Variants in KPNA4 observed in about 807,000 individuals in gnomAD.
The protein encoded by KPNA4 is karyopherin subunit alpha 4.
A neutral mutation model predicts 71.3 loss-of-function variants in KPNA4; 13 were observed. The ratio of observed to expected loss-of-function variants is 0.18; its 90% CI spans 0.12 to 0.29. KPNA4 has a LOEUF of 0.29. Ranked by LOEUF, KPNA4 falls within the 10% of genes least tolerant of loss-of-function variation. KPNA4 has a pLI of 1.00. For synonymous variants in KPNA4, 189 were observed against 195.2 expected, an observed-to-expected ratio of 0.97 and a Z score of 0.26; for missense variants, 334 against 603.2, an observed-to-expected ratio of 0.55 and a Z score of 4.67.
chr3:160,514,081 T>C lies in KPNA4; in HGVS notation c.1133A>G (p.Asp378Gly), dbSNP rs1721154878. 6.5e-7 allele frequency: 1 copy of C among 1,547,338 alleles called. No individual in the cohort carries two copies. Among genetic ancestry groups the C allele is most frequent in the Non-Finnish European group, 8.7e-7 (1 of 1,150,916 alleles). ...NLVPMIIHLL[D>G]KGDFGTQKEA... ...CATATAACATGATTTTCTTACCTTA[T>C]CCAAAAGGTGTATTATCATTGGTAC... is the stretch of plus-strand genomic sequence containing the variant. The change falls in exon 13 of 17, where the codon GAT becomes GGT. Residue 378 changes from aspartate to glycine, a missense_variant. Physicochemically the swap from Asp to Gly is moderately conservative, Grantham distance 94 (BLOSUM62 -1). Transcript: ENST00000334256.
intron 1 of KPNA4, among the ~76,000 whole-genome samples, chr3:160,556,402 G>A (rs1419302935): frequency 6.6e-6 from 1 of 152,110 alleles, no homozygotes; most frequent in Non-Finnish European, 1.5e-5. Flanking sequence ...TTTATATACT[G>A]CCATCCTAGT....
At position 160,501,327 on chromosome 3, in the gene KPNA4, G is replaced by C. The variant is rs957475806; in HGVS notation, c.*777C>G. 9 of 152,154 alleles carry C rather than the reference G, an allele frequency of 5.9e-5. No individual in the cohort carries two copies. Among genetic ancestry groups the C allele is most frequent in the African/African-American group, 1.5e-4 (6 of 41,296 alleles). 9.4% of individuals were successfully genotyped at this position (152,154 alleles called of 1,614,324 possible). ...AAAAAGAAAAAAAAAAGGATTGGGT[G>C]GGGGGAAGGAGGTGGGAAAGGGGGA... On this transcript the variant is annotated 3_prime_UTR_variant, in exon 17 of 17. Coordinates refer to ENST00000334256, the MANE Select transcript of KPNA4 (RefSeq NM_002268.5).
At chr3:160,524,423 G>C (rs191554292) in intron 10 of KPNA4, among the ~76,000 whole-genome samples, 14 of 152,136 alleles carry the variant, frequency 9.2e-5, no homozygotes, top group Non-Finnish European at 4.4e-5. Context: ...GTTCACTGCA[G>C]CCTTGACCTC....
chr3:160,548,208 T>A (rs1721963614), intron 1 of KPNA4, among the ~76,000 whole-genome samples: 1 of 152,066 alleles, frequency 6.6e-6, no homozygotes, highest in Non-Finnish European at 1.5e-5. Flanking sequence ...TGCTCTGGGT[T>A]TTTTTTTGTT....
At chr3:160,523,133 T>C (rs1721388326) in intron 10 of KPNA4, among the ~76,000 whole-genome samples, 1 of 152,198 alleles carries the variant, frequency 6.6e-6, no homozygotes. Flanking sequence ...TTCCAGAATA[T>C]GAACTCTGTG....
At chr3:160,518,586 G>GC (rs1721280031) in intron 11 of KPNA4, among the ~76,000 whole-genome samples, 1 of 151,354 alleles carries the variant, frequency 6.6e-6, no homozygotes, top group South Asian at 2.1e-4. Flanking sequence ...TTGGCCGGGC[G>GC]CGGTGGCTCA....
At chr3:160,505,191 CTT>C in intron 15 of KPNA4, 139 bp from the exon 16 acceptor site, 2 of 408,674 alleles carry the variant, frequency 4.9e-6, no homozygotes, top group South Asian at 5.7e-5. Context: ...AAAGGTGAAT[CTT>C]AAATATAAAA....
chr3:160,517,908 T>C (rs1721260074), intron 11 of KPNA4, among the ~76,000 whole-genome samples: 1 of 152,228 alleles, frequency 6.6e-6, no homozygotes, highest in Non-Finnish European at 1.5e-5. Flanking sequence ...TCTTCTATTC[T>C]ATGGGTTGTC....
chr3:160,543,919 G>A (rs1028380519), intron 1 of KPNA4, among the ~76,000 whole-genome samples: 2 of 152,040 alleles, frequency 1.3e-5, no homozygotes, highest in Non-Finnish European at 1.5e-5. Flanking sequence ...GTGCAATGGC[G>A]CGATCTCAGC....
chr3:160,521,951 T>G, intron 10 of KPNA4, 41 bp from the exon 11 acceptor site: 1 of 1,551,628 alleles, frequency 6.4e-7, no homozygotes, highest in Non-Finnish European at 8.8e-7. Flanking sequence ...TTTAAATATT[T>G]TCTCATTTTA....
intron 15 of KPNA4, among the ~76,000 whole-genome samples, chr3:160,507,647 G>C (rs1171793886): frequency 1.3e-5 from 2 of 151,974 alleles, no homozygotes; most frequent in Non-Finnish European, 2.9e-5. Flanking sequence ...CTCAGACTTT[G>C]CTCATGGTGT....
chr3:160,555,989 G>C (rs1476168113), intron 1 of KPNA4, among the ~76,000 whole-genome samples: 1 of 152,052 alleles, frequency 6.6e-6, no homozygotes, highest in Non-Finnish European at 1.5e-5. Context: ...GCGCCACCAT[G>C]CCTGGCTAAT....
intron 1 of KPNA4, among the ~76,000 whole-genome samples, chr3:160,547,231 T>G (rs1293577177): frequency 1.3e-5 from 2 of 152,248 alleles, no homozygotes; most frequent in African/African-American, 4.8e-5. Context: ...TAAAGTGTTA[T>G]GAATACTGCT....
At chr3:160,515,787 G>C (rs1721204301) in intron 11 of KPNA4, among the ~76,000 whole-genome samples, 1 of 151,870 alleles carries the variant, frequency 6.6e-6, no homozygotes, top group African/African-American at 2.4e-5. Context: ...GCTAATTTTT[G>C]TATTTTTTGT....
intron 1 of KPNA4, among the ~76,000 whole-genome samples, chr3:160,557,880 C>T (rs989524651): frequency 6.6e-6 from 1 of 152,018 alleles, no homozygotes; most frequent in Non-Finnish European, 1.5e-5. Flanking sequence ...CAAGGTCTCA[C>T]CATATTGCCT....
At chr3:160,533,944 G>A (rs138691590) in intron 5 of KPNA4, among the ~76,000 whole-genome samples, 1 of 152,264 alleles carries the variant, frequency 6.6e-6, no homozygotes, top group Non-Finnish European at 1.5e-5. Flanking sequence ...GAGCATAATC[G>A]ATTTCTTAAT....
At chr3:160,502,978 G>A (rs1475147536) in intron 16 of KPNA4, among the ~76,000 whole-genome samples, 1 of 152,082 alleles carries the variant, frequency 6.6e-6, no homozygotes, top group African/African-American at 2.4e-5. Flanking sequence ...GGGCATGGTG[G>A]CATGCGCCTA....
At chr3:160,563,696 A>C (rs1194673723) in intron 1 of KPNA4, among the ~76,000 whole-genome samples, 1 of 152,224 alleles carries the variant, frequency 6.6e-6, no homozygotes, top group East Asian at 1.9e-4. Context: ...TATTCATATT[A>C]GTAAAAAACA....
intron 1 of KPNA4, among the ~76,000 whole-genome samples, chr3:160,557,271 A>G (rs575437602): frequency 4.6e-5 from 7 of 152,326 alleles, no homozygotes; most frequent in African/African-American, 1.4e-4. Context: ...AACCAAGCAG[A>G]GACCACTTAA....
Sources: gnomAD v4.1 joint callset for allele counts (sites outside exome capture counted in the v4.1 genomes callset) on GRCh38, gnomAD v4.1.1 for gene constraint, MANE v1.5 for transcripts, NCBI Gene and HGNC (gene_info 2026-07-23, HGNC 2026-07-21) for gene names.